AIFM3: variants seen among roughly 807,000 people sequenced by gnomAD.
AIFM3 encodes apoptosis-inducing factor 3.
A neutral mutation model predicts 82.7 loss-of-function variants in AIFM3; 71 were observed. That is an observed-to-expected ratio of 0.86 (90% CI 0.71 to 1.05). The LOEUF is 1.05. Among genes scored for constraint, AIFM3 ranks in the 50% least tolerant of loss-of-function variants. The pLI, the probability that AIFM3 is intolerant of heterozygous loss-of-function variation, is 0.00. For missense variants in AIFM3, 748 were observed against 816.7 expected (o/e 0.92, Z 1.03); for synonymous variants, 337 against 329.1 (o/e 1.02, Z -0.26).
At chr22:20,977,134 AG>A in intron 14 of AIFM3, 39 bp downstream of exon 14, 1 of 1,612,730 alleles carries the variant, frequency 6.2e-7, no homozygotes, top group Non-Finnish European at 8.5e-7. Flanking sequence ...AAAGCAGCCC[AG>A]CCGTCTGCAC....
intron 1 of AIFM3, 89 bp from the exon 2 acceptor site, chr22:20,967,716 T>C (rs1450525329): frequency 8.5e-6 from 5 of 590,700 alleles, no homozygotes; most frequent in Non-Finnish European, 1.5e-5. Context: ...TGTAAGACTC[T>C]TTCCGAAGCT....
Position 20,967,441 on chromosome 22 carries a change from A to G in AIFM3, c.-141+138A>G, listed in dbSNP as rs80336761. ...TGACCCCCTCTTTGAGCCTAGGCAT[A>G]GTGGTCTCCCGGGAGAATGGAGGGT... On this transcript the variant is annotated intron_variant, in intron 1 of 20. Coordinates refer to ENST00000440238, the MANE Select transcript of AIFM3 (RefSeq NM_001386814.1). 38 of 160,934 alleles carry G rather than the reference A, an allele frequency of 2.4e-4. 1 individual carries two copies. The East Asian group carries it at 5.9e-3, about 25-fold the overall frequency. The allele number at this position is 160,934 out of a possible 1,614,324, so 10.0% of individuals were successfully genotyped here. A position where few individuals can be genotyped will look rare whatever the true frequency, so the allele number is the denominator to read the frequency against.
chr22:20,971,017 C>T (rs545871268), intron 2 of AIFM3, among the ~76,000 whole-genome samples: 1 of 152,226 alleles, frequency 6.6e-6, no homozygotes, highest in East Asian at 1.9e-4. Context: ...TGAGCAGAGA[C>T]GCCTCTCCCC....
intron 2 of AIFM3, among the ~76,000 whole-genome samples, chr22:20,969,532 C>A (rs1923137591): frequency 6.6e-6 from 1 of 152,088 alleles, no homozygotes; most frequent in African/African-American, 2.4e-5. Flanking sequence ...CAGGTTCATG[C>A]CATTCTCCTG....
chr22:20,972,767 GGGTGT>G (rs1923349950), intron 2 of AIFM3, among the ~76,000 whole-genome samples: 1 of 152,138 alleles, frequency 6.6e-6, no homozygotes, highest in African/African-American at 2.4e-5. Context: ...AAAGGAGGCG[GGGTGT>G]GGTAGCTCAA....
intron 1 of AIFM3, 130 bp downstream of exon 1, chr22:20,967,433 C>T (rs111843050): frequency 1.3e-3 from 202 of 158,542 alleles, no homozygotes; most frequent in African/African-American, 4.7e-3. Context: ...CTCTTTGAGC[C>T]TAGGCATAGT....
At chr22:20,966,095 G>A (rs767699321), upstream of AIFM3, among the ~76,000 whole-genome samples, 6 of 152,094 alleles carry the variant, frequency 3.9e-5, no homozygotes, top group Non-Finnish European at 1.5e-5. Flanking sequence ...TCTCCTTCCT[G>A]GCCCAGGCCC....
Position 20,974,117 on chromosome 22 carries a change from T to TCAG in AIFM3, c.413_415dup (p.Ser138dup). 1 of 1,613,190 alleles carries TCAG rather than the reference T, an allele frequency of 6.2e-7. No homozygotes were observed. The highest frequency in any genetic ancestry group is 1.3e-5 in the African/African-American group (1 of 75,000). On this transcript the variant is annotated inframe_insertion, in exon 5 of 21. Transcript: ENST00000440238. ...CCCTGGCACGGCGCCTGCTTCAACA[T>TCAG]CAGCACTGGGGACCTGGAGGACTTC...
rs1923998591 is a variant in AIFM3 at position 20,980,144 on chromosome 22, G to A, written c.1757+20G>A. The stretch of plus-strand genomic sequence containing the variant: ...GGTGGAGTGAGTGTGGGTGTGGGAA[G>A]CCTGGGGGTGGGAGTAGTTCCCTGG... On this transcript the variant is annotated intron_variant, in intron 19 of 20. Transcript: ENST00000440238. 1.2e-6 allele frequency: 2 copies of A among 1,601,980 alleles called. No homozygotes were observed. The highest frequency in any genetic ancestry group is 2.2e-5 in the South Asian group (2 of 90,936).
intron 18 of AIFM3, 74 bp from the exon 19 acceptor site, chr22:20,979,946 C>G: frequency 7.1e-7 from 1 of 1,404,338 alleles, no homozygotes; most frequent in Non-Finnish European, 9.8e-7. Flanking sequence ...CCCAGATGGA[C>G]AGCAGTGCAT....
chr22:20,980,923 T>G lies in AIFM3; in HGVS notation c.1779-69T>G, dbSNP rs376316595. On this transcript the variant is annotated intron_variant, in intron 20 of 20. Transcript: ENST00000440238. ...CCCCCTGCTGTCCTCAAGGGCCAGC[T>G]GTTCAGGGTGCCCAGAGTGGAGAGC... is the stretch of plus-strand genomic sequence containing the variant. 5.0e-5 allele frequency: 81 copies of G among 1,611,844 alleles called. No individual in the cohort carries two copies. In the African/African-American group the frequency reaches 9.6e-4, roughly 19 times the overall value.
intron 2 of AIFM3, among the ~76,000 whole-genome samples, chr22:20,972,203 G>C (rs1018429951): frequency 3.9e-5 from 6 of 152,136 alleles, no homozygotes; most frequent in Non-Finnish European, 7.4e-5. Context: ...TCAGGAGTTC[G>C]AGACCAGCCT....
Position 20,967,834 on chromosome 22 carries a change from CT to C in AIFM3, c.-110del. The stretch of plus-strand genomic sequence containing the variant: ...TAGAGCAGCTCCAGCAGGATGGCGG[CT>C]CCAGCGTCTCTAAGGCCTGCAGGGG... On this transcript the variant is annotated 5_prime_UTR_variant, in exon 2 of 21. The change creates a premature stop within an existing upstream ORF in the 5' untranslated region. Transcript: ENST00000440238. 1 of 1,212,078 alleles carries C rather than the reference CT, an allele frequency of 8.3e-7. No homozygotes were observed. The highest frequency in any genetic ancestry group is 1.2e-6 in the Non-Finnish European group (1 of 822,812). The allele number at this position is 1,212,078 out of a possible 1,614,324, so 75.1% of individuals were successfully genotyped here.
At chr22:20,979,465 A>G in intron 17 of AIFM3, 96 bp downstream of exon 17, 1 of 1,477,240 alleles carries the variant, frequency 6.8e-7, no homozygotes. Flanking sequence ...CAGGGCTATG[A>G]CCGCACTAGG....
At chr22:20,975,861 G>A in intron 9 of AIFM3, 83 bp downstream of exon 9, 2 of 1,475,668 alleles carry the variant, frequency 1.4e-6, no homozygotes, top group Non-Finnish European at 1.9e-6. Flanking sequence ...GTGGGGTCTT[G>A]GTGCTCTACC....
At chr22:20,980,207 C>T in intron 19 of AIFM3, 83 bp downstream of exon 19, 2 of 1,279,212 alleles carry the variant, frequency 1.6e-6, no homozygotes, top group East Asian at 2.4e-5. Context: ...CAGCCGCCCC[C>T]ACAACCCTCC....
Position 20,980,994 on chromosome 22 carries a change from C to T in AIFM3, c.1781C>T (p.Thr594Ile). ...EVELFVLHSK[T>I]GDMSWLTGKG... ...CCCTCCTCCCCTCACTCCTGCAGGACTGGCGACATGTCCTGGCTTACGGGG... is the reference window on the plus strand; with the variant it reads ...CCCTCCTCCCCTCACTCCTGCAGGATTGGCGACATGTCCTGGCTTACGGGG... Residue 594 changes from threonine (T) to isoleucine (I), a missense_variant and splice_region_variant, in exon 21 of 21, where the codon ACT becomes ATT. Physicochemically the swap from Thr to Ile is moderately conservative, Grantham distance 89. Around this residue, in one of 5 missense-constraint regions of AIFM3, gnomAD observed 183 missense variants for 158.2 expected, o/e 1.16. Transcript: ENST00000440238. 4.3e-6 allele frequency: 7 copies of T among 1,614,222 alleles called. No individual in the cohort carries two copies. Among genetic ancestry groups the T allele is most frequent in the Non-Finnish European group, 5.9e-6 (7 of 1,180,032 alleles).
chr22:20,977,275 GC>G, intron 14 of AIFM3, 180 bp downstream of exon 14: 1 of 801,472 alleles, frequency 1.2e-6, no homozygotes, highest in Non-Finnish European at 2.0e-6. Context: ...ACTGGGCTCA[GC>G]CCAGGCCTGG....
At chr22:20,965,711 A>G (rs1240186613), upstream of AIFM3, among the ~76,000 whole-genome samples, 1 of 152,072 alleles carries the variant, frequency 6.6e-6, no homozygotes, top group East Asian at 1.9e-4. Flanking sequence ...GGGATGAGGC[A>G]GTGGGGGCAG....
Sources: gnomAD v4.1 joint callset for allele counts (sites outside exome capture counted in the v4.1 genomes callset) on GRCh38, gnomAD v4.1.1 for gene constraint, gnomAD v4.1.1 regional missense constraint, MANE v1.5 for transcripts, NCBI Gene and HGNC (gene_info 2026-07-23, HGNC 2026-07-21) for gene names.